DIDO1: variants seen among roughly 807,000 people sequenced by gnomAD.
The protein encoded by DIDO1 is death inducer-obliterator 1, also known as death-inducer obliterator 1.
A neutral mutation model predicts 99.4 loss-of-function variants in DIDO1; 16 were observed. The observed-to-expected ratio is 0.16, with a 90% CI of 0.11 to 0.24. DIDO1 has a LOEUF of 0.24. Among genes scored for constraint, DIDO1 ranks in the 10% least tolerant of loss-of-function variants. DIDO1 has a pLI of 1.00. For synonymous variants in DIDO1, 1,366 were observed against 1,239.1 expected (o/e 1.10, Z -2.15); for missense variants, 2,996 against 3,014.0 (o/e 0.99, Z 0.14).
At chr20:62,887,876 C>A in intron 15 of DIDO1, 3 of 985,478 alleles carry the variant, frequency 3.0e-6, no homozygotes, top group Non-Finnish European at 3.6e-6. Flanking sequence ...CAGCTGCCCC[C>A]CACCGTGATG....
At chr20:62,905,314 G>A (rs1489554411) in intron 6 of DIDO1, 1 of 1,421,220 alleles carries the variant, frequency 7.0e-7, no homozygotes, top group Non-Finnish European at 9.2e-7. Context: ...GTTCATGTGG[G>A]TGTGTAGCGT....
chr20:62,927,683 T>C (rs1215775908), upstream of DIDO1, among the ~76,000 whole-genome samples: 4 of 152,270 alleles, frequency 2.6e-5, no homozygotes, highest in African/African-American at 7.2e-5. Context: ...GCTTCTGCGA[T>C]GCTTCCATGG....
chr20:62,920,452 A>AACAGCTTTACCGGTGACAGCGCATCAG (rs2065116640), intron 1 of DIDO1, among the ~76,000 whole-genome samples: 1 of 152,142 alleles, frequency 6.6e-6, no homozygotes, highest in Admixed American at 6.5e-5. Context: ...TGTGTACTGG[A>AACAGCTTTACCGGTGACAGCGCATCAG]ACAGCTTTAC....
intron 15 of DIDO1, among the ~76,000 whole-genome samples, chr20:62,885,784 A>C (rs1011322290): frequency 2.0e-5 from 3 of 152,228 alleles, no homozygotes; most frequent in African/African-American, 7.2e-5. Flanking sequence ...AAAATGTGGC[A>C]GGCGCCTTGG....
At chr20:62,897,572 G>A (rs979006295) in intron 6 of DIDO1, among the ~76,000 whole-genome samples, 2 of 152,194 alleles carry the variant, frequency 1.3e-5, no homozygotes, top group South Asian at 4.1e-4. Context: ...ACACCTTTAC[G>A]TGAAGAGTGA....
chr20:62,904,780 C>CAAAAAAAAAAAAAAAAAAA (rs58039393), intron 6 of DIDO1, among the ~76,000 whole-genome samples: 7 of 62,622 alleles, frequency 1.1e-4, no homozygotes, highest in Admixed American at 3.3e-4. Context: ...ACTCTTGTCT[C>CAAAAAAAAAAAAAAAAAAA]AAAAAAAAAA....
intron 1 of DIDO1, among the ~76,000 whole-genome samples, chr20:62,926,028 C>T (rs2065246346): frequency 6.6e-6 from 1 of 152,178 alleles, no homozygotes; most frequent in African/African-American, 2.4e-5. Flanking sequence ...CCTAGGGAAA[C>T]CAGCTGCGCT....
chr20:62,891,431 G>T (rs1259315705), intron 14 of DIDO1, among the ~76,000 whole-genome samples: 1 of 152,176 alleles, frequency 6.6e-6, no homozygotes, highest in Non-Finnish European at 1.5e-5. Context: ...CCTAGAGGGG[G>T]TTAAACTAGA....
chr20:62,926,863 G>C (rs2065266090), upstream of DIDO1, among the ~76,000 whole-genome samples: 1 of 152,234 alleles, frequency 6.6e-6, no homozygotes, highest in Non-Finnish European at 1.5e-5. Context: ...CTTCAAGTCG[G>C]TGGGGATAGA....
At chr20:62,932,231 G>A (rs996704835) in intron 1 of DIDO1, among the ~76,000 whole-genome samples, 35 of 152,190 alleles carry the variant, frequency 2.3e-4, no homozygotes, top group African/African-American at 8.2e-4. Flanking sequence ...GGTGGCTCAC[G>A]CCTGTAATCC....
At chr20:62,893,483 T>C (rs1428932804) in intron 12 of DIDO1, among the ~76,000 whole-genome samples, 183 bp downstream of exon 12, 1 of 152,248 alleles carries the variant, frequency 6.6e-6, no homozygotes, top group Non-Finnish European at 1.5e-5. Context: ...TGTCAATTTC[T>C]AAGATCTCTA....
chr20:62,900,866 G>A (rs1336424080), intron 6 of DIDO1, among the ~76,000 whole-genome samples: 1 of 152,210 alleles, frequency 6.6e-6, no homozygotes, highest in Non-Finnish European at 1.5e-5. Flanking sequence ...CCTGAAAACA[G>A]ACTCAACAGT....
intron 1 of DIDO1, chr20:62,937,653 G>T (rs1019091345): frequency 7.6e-6 from 3 of 394,566 alleles, no homozygotes; most frequent in Non-Finnish European, 1.3e-5. Context: ...GTCTCTCCCT[G>T]GACCTCAGGG....
Position 62,880,745 on chromosome 20 carries a change from G to C in DIDO1, c.5211C>G (p.Pro1737=). 6.2e-7 allele frequency: 1 copy of C among 1,612,728 alleles called. No individual in the cohort carries two copies. Among genetic ancestry groups the C allele is most frequent in the Non-Finnish European group, 8.5e-7 (1 of 1,179,894 alleles). Residue 1737 remains proline (P), a synonymous_variant, in exon 16 of 16, where the codon CCC becomes CCG. Coordinates refer to ENST00000395343, the MANE Select transcript of DIDO1 (RefSeq NM_001193369.2). ...ARPGEGTAPL[P]PPGQKVGGSQ... ...AGCCCCCCACTTTCTGTCCTGGTGG[G>C]GGGAGCGGGGCGGTGCCCTCGCCGG...
intron 4 of DIDO1, among the ~76,000 whole-genome samples, chr20:62,907,998 G>A (rs1182022710): frequency 1.3e-5 from 2 of 150,660 alleles, no homozygotes; most frequent in Non-Finnish European, 3.0e-5. Context: ...TTTTTTGTTT[G>A]AGACAGGGTC....
intron 6 of DIDO1, among the ~76,000 whole-genome samples, chr20:62,899,601 T>G (rs1426833519): frequency 6.6e-6 from 1 of 152,186 alleles, no homozygotes; most frequent in Non-Finnish European, 1.5e-5. Context: ...GGGCAGCAGA[T>G]TAACGTAATT....
At chr20:62,890,629 T>C (rs908493423) in intron 15 of DIDO1, 1 of 1,199,864 alleles carries the variant, frequency 8.3e-7, no homozygotes, top group African/African-American at 1.6e-5. Flanking sequence ...GCAGGGCCGC[T>C]GGGAGTGTCA....
chr20:62,879,988 C>G lies in DIDO1; in HGVS notation c.5968G>C (p.Gly1990Arg). The stretch of plus-strand genomic sequence containing the variant: ...AAGGGTGCGGACCCCCGTAGTCCAC[C>G]AAACTGCAGGGGTGCAGGCGCCCTT... Reference protein sequence around the residue: ...NQRAPAPLQFGGLRGSAPFSE... With the variant: ...NQRAPAPLQFRGLRGSAPFSE... Residue 1990 changes from glycine to arginine, a missense_variant, in exon 16 of 16, where the codon GGT becomes CGT. This residue lies in a region of DIDO1 where 1,562 missense variants were observed against 1,412.6 expected (regional missense o/e 1.11). Coordinates refer to ENST00000395343, the MANE Select transcript of DIDO1 (RefSeq NM_001193369.2). The surrounding 1 kb of genome is among the most constrained non-coding windows in gnomAD (Gnocchi z 6.3). 6.2e-7 allele frequency: 1 copy of G among 1,611,734 alleles called. No individual in the cohort carries two copies. The highest frequency in any genetic ancestry group is 8.5e-7 in the Non-Finnish European group (1 of 1,179,802).
At position 62,879,388 on chromosome 20, in the gene DIDO1, C is replaced by A; in HGVS notation, c.6568G>T (p.Asp2190Tyr). 1 of 1,544,316 alleles carries A rather than the reference C, an allele frequency of 6.5e-7. No individual in the cohort carries two copies. The highest frequency in any genetic ancestry group is 2.0e-5 in the Admixed American group (1 of 51,148). The change falls in exon 16 of 16, where the codon GAC becomes TAC. Residue 2190 changes from aspartate to tyrosine, a missense_variant. Asp to Tyr is a radical substitution (Grantham distance 160, BLOSUM62 -3). This residue lies in a region of DIDO1 where 1,562 missense variants were observed against 1,412.6 expected (regional missense o/e 1.11). Transcript: ENST00000395343. This position sits in a 1 kb window ranked among gnomAD's most constrained non-coding sequence, Gnocchi z 6.3. ...TCCCGCTCTCTGCTCCGGGACCGGT[C>A]CCGGTCGCGCCTCCGGTCTCGCTCG... ...ERERDRRRDR[D>Y]RSRSRERDRD... is the part of the protein sequence containing the mutation.
Sources: gnomAD v4.1 joint callset for allele counts (sites outside exome capture counted in the v4.1 genomes callset) on GRCh38, gnomAD v4.1.1 for gene constraint, gnomAD v4.1.1 regional missense constraint, Gnocchi (gnomAD v3.1) non-coding constraint, MANE v1.5 for transcripts, NCBI Gene and HGNC (gene_info 2026-07-23, HGNC 2026-07-21) for gene names.